ALKAL1: variants seen among roughly 807,000 people sequenced by gnomAD.
The protein encoded by ALKAL1 is AUG-beta.
ALKAL1 carries 23 observed loss-of-function variants against 13.5 expected under a neutral mutation model. That is an observed-to-expected ratio of 1.70 (90% CI 1.23 to 2.41). The LOEUF (loss-of-function observed/expected upper bound fraction) is 2.41. ALKAL1 is among the 30% of genes most tolerant of loss of function. The pLI, the probability that ALKAL1 is intolerant of heterozygous loss-of-function variation, is 0.00. For synonymous variants in ALKAL1, 85 were observed against 77.7 expected (o/e 1.09, Z -0.49); for missense variants, 181 against 178.4 (o/e 1.01, Z -0.08).
At chr8:52,558,882 G>A (rs1847511484) in intron 1 of ALKAL1, among the ~76,000 whole-genome samples, 1 of 152,114 alleles carries the variant, frequency 6.6e-6, no homozygotes, top group African/African-American at 2.4e-5. Context: ...TGATAATTCT[G>A]GTGACTGGAA....
intron 1 of ALKAL1, among the ~76,000 whole-genome samples, chr8:52,547,584 G>A (rs2150345468): frequency 6.6e-6 from 1 of 152,330 alleles, no homozygotes; most frequent in South Asian, 2.1e-4. Flanking sequence ...TCTCTCTGAT[G>A]GAAAATGTTC....
intron 4 of ALKAL1, among the ~76,000 whole-genome samples, chr8:52,536,306 T>C (rs74784150): frequency 6.6e-5 from 10 of 152,338 alleles, no homozygotes; most frequent in African/African-American, 1.9e-4. Context: ...GACTTGTCCA[T>C]GGTACTGAAA....
intron 1 of ALKAL1, among the ~76,000 whole-genome samples, chr8:52,547,695 T>C (rs1262411165): frequency 6.6e-6 from 1 of 151,944 alleles, no homozygotes; most frequent in Non-Finnish European, 1.5e-5. Context: ...TGTGAATTAA[T>C]TTAATAATTT....
intron 1 of ALKAL1, among the ~76,000 whole-genome samples, chr8:52,542,841 T>C (rs1847327843): frequency 6.6e-6 from 1 of 152,220 alleles, no homozygotes; most frequent in African/African-American, 2.4e-5. Context: ...ACCCAAACCA[T>C]GAGTTAGTTT....
At chr8:52,546,485 C>A (rs968167292) in intron 1 of ALKAL1, among the ~76,000 whole-genome samples, 1 of 152,216 alleles carries the variant, frequency 6.6e-6, no homozygotes, top group Admixed American at 6.5e-5. Context: ...CATACTTTAG[C>A]CCAGTTAGTT....
intron 2 of ALKAL1, 145 bp downstream of exon 2, chr8:52,542,242 TAACAC>T: frequency 1.8e-6 from 1 of 562,422 alleles, no homozygotes; most frequent in Non-Finnish European, 3.1e-6. Flanking sequence ...ACATTACAGT[TAACAC>T]AAGTTAGTAG....
Position 52,560,299 on chromosome 8 carries a change from T to C in ALKAL1, c.190+4768A>G, listed in dbSNP as rs188055536. Among the ~76,000 whole-genome samples the C allele has an allele frequency of 1.2e-3, 179 of 152,344 alleles. 1 individual carries two copies. Among genetic ancestry groups the C allele is most frequent in the Non-Finnish European group, 2.2e-3 (150 of 68,028 alleles). On this transcript the variant is annotated intron_variant, in intron 1 of 4. Coordinates refer to ENST00000358543, the MANE Select transcript of ALKAL1 (RefSeq NM_207413.4). ...TATAAATATTGTAGCTATTATTTCCTGGCAGTTTATGTTGTTAGATATATA... is the reference window on the plus strand; with the variant it reads ...TATAAATATTGTAGCTATTATTTCCCGGCAGTTTATGTTGTTAGATATATA...
Position 52,542,392 on chromosome 8 carries a change from C to T in ALKAL1, c.244G>A (p.Gly82Arg), listed in dbSNP as rs1024398355. The stretch of plus-strand genomic sequence containing the variant: ...AATCACTGATACATTTTGTACTTAC[C>T]TGTGAAATGCTTTATGAATTTGTCT... Reference protein sequence around the residue: ...LKDKFIKHFTGPVTFSPECSK... With the variant: ...LKDKFIKHFTRPVTFSPECSK... The change falls in exon 2 of 5, where the codon GGG (glycine) becomes AGG (arginine). Residue 82 changes from glycine (G) to arginine (R), a missense_variant and splice_region_variant. Physicochemically the swap from Gly to Arg is moderately radical, Grantham distance 125. Transcript: ENST00000358543. 2.0e-6 allele frequency: 3 copies of T among 1,531,788 alleles called. No homozygotes were observed. The highest frequency in any genetic ancestry group is 2.7e-6 in the Non-Finnish European group (3 of 1,112,248). 94.9% of individuals were successfully genotyped at this position (1,531,788 alleles called of 1,614,324 possible). A position where few individuals can be genotyped will look rare whatever the true frequency, so the allele number is the denominator to read the frequency against.
chr8:52,564,986 G>C, intron 1 of ALKAL1, 81 bp downstream of exon 1: 1 of 1,145,654 alleles, frequency 8.7e-7, no homozygotes, highest in Non-Finnish European at 1.1e-6. Flanking sequence ...TTCCCAAAGC[G>C]AGTGCCTCGC....
At chr8:52,535,461 G>A (rs1847255566) in intron 4 of ALKAL1, among the ~76,000 whole-genome samples, 1 of 147,214 alleles carries the variant, frequency 6.8e-6, no homozygotes, top group South Asian at 2.2e-4. Flanking sequence ...TGAGGTGGGA[G>A]GATCACTGGA....
At position 52,562,860 on chromosome 8, in the gene ALKAL1, CT is replaced by C. The variant is rs558257193; in HGVS notation, c.190+2206del. ...CTGAATGAACGATAACCCCTGCCACCTGCTGAGTGCACCCCGTGAGAACATC... is the reference window on the plus strand; with the variant it reads ...CTGAATGAACGATAACCCCTGCCACCGCTGAGTGCACCCCGTGAGAACATC... On this transcript the variant is annotated intron_variant, in intron 1 of 4. Coordinates refer to ENST00000358543, the MANE Select transcript of ALKAL1 (RefSeq NM_207413.4). Among the ~76,000 whole-genome samples the C allele has an allele frequency of 4.8e-3, 738 of 152,316 alleles. 6 individuals are homozygous for C. The highest frequency in any genetic ancestry group is 0.016 in the African/African-American group (681 of 41,578).
intron 1 of ALKAL1, among the ~76,000 whole-genome samples, chr8:52,550,435 GAC>G (rs145149611): frequency 0.31 from 47,080 of 151,908 alleles, 7,886 homozygotes; most frequent in Non-Finnish European, 0.39. Context: ...GAGCTGCAGA[GAC>G]AGAGTTGAGT....
chr8:52,564,990 GC>G, intron 1 of ALKAL1, 76 bp downstream of exon 1: 1 of 1,173,010 alleles, frequency 8.5e-7, no homozygotes, highest in Non-Finnish European at 1.1e-6. Context: ...CAAAGCGAGT[GC>G]CTCGCCCAGC....
chr8:52,563,186 G>A (rs1847568313), intron 1 of ALKAL1, among the ~76,000 whole-genome samples: 1 of 152,188 alleles, frequency 6.6e-6, no homozygotes, highest in Non-Finnish European at 1.5e-5. Flanking sequence ...GGGAGGCCAA[G>A]GCAGGCAGAT....
rs751549397 is a variant in ALKAL1, at chr8:52,565,279, G to A, written c.-23C>T. On this transcript the variant is annotated 5_prime_UTR_variant, in exon 1 of 5. Coordinates refer to ENST00000358543, the MANE Select transcript of ALKAL1 (RefSeq NM_207413.4). ...CATGTTCGCAAGCCGGGAGGAGAGA[G>A]CGGGAGACTCCGGGAGGATCCCGAC... is the stretch of plus-strand genomic sequence containing the variant. 1.5e-6 allele frequency: 2 copies of A among 1,300,828 alleles called. No homozygotes were observed. Among genetic ancestry groups the A allele is most frequent in the South Asian group, 5.0e-5 (2 of 40,018 alleles). The allele number at this position is 1,300,828 out of a possible 1,614,324, so 80.6% of individuals were successfully genotyped here.
intron 1 of ALKAL1, among the ~76,000 whole-genome samples, chr8:52,544,447 A>T (rs1217888003): frequency 6.6e-6 from 1 of 152,180 alleles, no homozygotes; most frequent in Non-Finnish European, 1.5e-5. Flanking sequence ...GCTGCTGAAG[A>T]AGAGGTGGGT....
chr8:52,551,401 C>A (rs188876413), intron 1 of ALKAL1, among the ~76,000 whole-genome samples: 5 of 152,130 alleles, frequency 3.3e-5, no homozygotes, highest in Admixed American at 2.6e-4. Flanking sequence ...CTTAAGCAGT[C>A]CTCCTGCCTC....
At chr8:52,554,597 A>G (rs1365087309) in intron 1 of ALKAL1, among the ~76,000 whole-genome samples, 1 of 152,234 alleles carries the variant, frequency 6.6e-6, no homozygotes, top group Non-Finnish European at 1.5e-5. Flanking sequence ...TGTAGCTGAG[A>G]TATTCAGCAG....
At chr8:52,547,200 T>C (rs960766039) in intron 1 of ALKAL1, among the ~76,000 whole-genome samples, 2 of 152,104 alleles carry the variant, frequency 1.3e-5, no homozygotes, top group African/African-American at 4.8e-5. Context: ...CAACTGAATA[T>C]AAGAAAATTA....
Sources: gnomAD v4.1 joint callset for allele counts (sites outside exome capture counted in the v4.1 genomes callset) on GRCh38, gnomAD v4.1.1 for gene constraint, MANE v1.5 for transcripts, NCBI Gene and HGNC (gene_info 2026-07-23, HGNC 2026-07-21) for gene names.